Variants in DSCAM observed in about 807,000 individuals in gnomAD.
DSCAM encodes cell adhesion molecule DSCAM.
Under a neutral mutation model 217.7 loss-of-function variants are expected in DSCAM, and 47 were observed. That is an observed-to-expected ratio of 0.22 (90% CI 0.17 to 0.28). DSCAM has a LOEUF of 0.28. DSCAM is among the 10% of genes least tolerant of loss of function. The pLI, the probability that DSCAM is intolerant of heterozygous loss-of-function variation, is 1.00. For missense variants in DSCAM, 2,080 were observed against 2,618.3 expected (o/e 0.79, Z 4.49); for synonymous variants, 1,056 against 1,015.3 (o/e 1.04, Z -0.76).
chr21:40,362,554 T>C (rs1400485137), intron 4 of DSCAM, among the ~76,000 whole-genome samples: 1 of 152,228 alleles, frequency 6.6e-6, no homozygotes, highest in East Asian at 1.9e-4. Context: ...TGAGCTATTT[T>C]GCTAAGGTTG....
At chr21:40,435,800 T>C (rs2075577671) in intron 3 of DSCAM, among the ~76,000 whole-genome samples, 1 of 152,202 alleles carries the variant, frequency 6.6e-6, no homozygotes, top group Non-Finnish European at 1.5e-5. Flanking sequence ...CTTAGGATTT[T>C]TGCACTTTAC....
At chr21:40,029,426 GT>G (rs924937730) in intron 32 of DSCAM, among the ~76,000 whole-genome samples, 4,974 of 141,572 alleles carry the variant, frequency 0.035, 90 homozygotes, top group Non-Finnish European at 0.049. Flanking sequence ...ATTTGAGGTT[GT>G]TTTTTTTTTT....
intron 1 of DSCAM, among the ~76,000 whole-genome samples, chr21:40,811,566 G>A (rs968821744): frequency 6.6e-6 from 1 of 152,218 alleles, no homozygotes; most frequent in Non-Finnish European, 1.5e-5. Flanking sequence ...AATTGGGAAG[G>A]GGGCCCTGGA....
intron 19 of DSCAM, among the ~76,000 whole-genome samples, chr21:40,128,654 A>T (rs1213609596): frequency 2.0e-5 from 3 of 151,072 alleles, no homozygotes; most frequent in Non-Finnish European, 4.4e-5. Flanking sequence ...GACAGGGAGT[A>T]ACAGGCAGCC....
intron 19 of DSCAM, among the ~76,000 whole-genome samples, chr21:40,124,700 C>A (rs1400026673): frequency 6.6e-6 from 1 of 152,038 alleles, no homozygotes; most frequent in Non-Finnish European, 1.5e-5. Flanking sequence ...AGGAGAGAAG[C>A]CCAGGACAGA....
chr21:40,615,378 T>A (rs371466593), intron 3 of DSCAM: 1 of 151,674 alleles, frequency 6.6e-6, no homozygotes, highest in East Asian at 1.9e-4. Flanking sequence ...AATCTATGAA[T>A]AATTTTTATC....
chr21:40,840,108 C>T (rs2092087984), intron 1 of DSCAM, among the ~76,000 whole-genome samples: 1 of 151,910 alleles, frequency 6.6e-6, no homozygotes, highest in Admixed American at 6.6e-5. Flanking sequence ...CTATAAGACA[C>T]TTAATTTGAT....
At chr21:40,816,299 A>G (rs972425656) in intron 1 of DSCAM, among the ~76,000 whole-genome samples, 4 of 152,146 alleles carry the variant, frequency 2.6e-5, no homozygotes, top group African/African-American at 9.7e-5. Flanking sequence ...GGGATGCTAG[A>G]TGCCCTTCCT....
At chr21:40,584,254 T>C (rs1393464132) in intron 3 of DSCAM, among the ~76,000 whole-genome samples, 2 of 152,166 alleles carry the variant, frequency 1.3e-5, no homozygotes, top group Non-Finnish European at 2.9e-5. Flanking sequence ...GTAACTCCAG[T>C]TTCAGAGCCC....
chr21:40,274,406 T>C (rs1369212418), intron 11 of DSCAM, among the ~76,000 whole-genome samples: 1 of 152,204 alleles, frequency 6.6e-6, no homozygotes, highest in African/African-American at 2.4e-5. Flanking sequence ...ATGAGGCTTG[T>C]CACTCATGAG....
chr21:40,013,937 C>T (rs1462298248), intron 32 of DSCAM, among the ~76,000 whole-genome samples: 2 of 152,214 alleles, frequency 1.3e-5, no homozygotes, highest in Non-Finnish European at 2.9e-5. Flanking sequence ...CTTACCAGGC[C>T]CTGCCTACCT....
chr21:40,686,855 C>T lies in DSCAM; in HGVS notation c.508+5955G>A, dbSNP rs945519093. On this transcript the variant is annotated intron_variant, in intron 3 of 32. Transcript: ENST00000400454. The stretch of plus-strand genomic sequence containing the variant: ...GCTTTTAATTACTTTCAGGTGGCAG[C>T]GGGGTAACATGCAAAACCTAATTTA... Among the ~76,000 whole-genome samples, 8 of 152,040 alleles carry T rather than the reference C, an allele frequency of 5.3e-5. No homozygotes were observed. The South Asian group carries it at 6.2e-4, about 12-fold the overall frequency.
At chr21:40,166,620 C>G (rs978414525) in intron 16 of DSCAM, among the ~76,000 whole-genome samples, 1 of 152,238 alleles carries the variant, frequency 6.6e-6, no homozygotes, top group African/African-American at 2.4e-5. Context: ...CAATTGTTTA[C>G]ACTGTGGCTC....
At chr21:40,536,750 A>G (rs185011125) in intron 3 of DSCAM, among the ~76,000 whole-genome samples, 1 of 152,262 alleles carries the variant, frequency 6.6e-6, no homozygotes, top group Non-Finnish European at 1.5e-5. Flanking sequence ...TGGTCTTATT[A>G]ATTTTTGTAA....
intron 3 of DSCAM, among the ~76,000 whole-genome samples, chr21:40,596,489 A>G (rs1287705395): frequency 6.6e-6 from 1 of 152,200 alleles, no homozygotes; most frequent in Non-Finnish European, 1.5e-5. Flanking sequence ...TAAAAGAAAA[A>G]ACATCTTATC....
At chr21:40,780,423 G>GTGTGTGTGTGTATATATA (rs1007015659) in intron 1 of DSCAM, among the ~76,000 whole-genome samples, 1 of 56,418 alleles carries the variant, frequency 1.8e-5, no homozygotes, top group African/African-American at 7.7e-5. Flanking sequence ...GTGTGTGTGT[G>GTGTGTGTGTGTATATATA]TATATATATA....
chr21:40,786,568 A>C (rs1447360796), intron 1 of DSCAM, among the ~76,000 whole-genome samples: 1 of 152,146 alleles, frequency 6.6e-6, no homozygotes, highest in Non-Finnish European at 1.5e-5. Flanking sequence ...GAAGTAGTGC[A>C]CTTAGATGTT....
chr21:40,148,945 C>T (rs1242444269), intron 16 of DSCAM, among the ~76,000 whole-genome samples: 1 of 152,148 alleles, frequency 6.6e-6, no homozygotes, highest in Non-Finnish European at 1.5e-5. Flanking sequence ...ACAAACCACA[C>T]TTTAACCTCC....
At chr21:40,341,915 T>G (rs1569074011) in intron 6 of DSCAM, among the ~76,000 whole-genome samples, 3 of 152,230 alleles carry the variant, frequency 2.0e-5, no homozygotes, top group Admixed American at 1.3e-4. Flanking sequence ...GGAACATTCT[T>G]CAGCCTCTTT....
Sources: allele counts gnomAD v4.1 joint callset (sites outside exome capture counted in the v4.1 genomes callset), GRCh38; gene constraint gnomAD v4.1.1; transcripts MANE v1.5; gene names NCBI Gene and HGNC (gene_info 2026-07-23, HGNC 2026-07-21).